WDR49: variants seen among roughly 807,000 people sequenced by gnomAD.
WDR49 encodes the protein cilia- and flagella-associated protein 337.
WDR49 carries 107 observed loss-of-function variants against 119.5 expected under a neutral mutation model. The observed-to-expected ratio is 0.90, with a 90% confidence interval of 0.77 to 1.05. WDR49 has a LOEUF of 1.05. Ranked by LOEUF, WDR49 falls within the 50% of genes least tolerant of loss-of-function variation. The probability of loss-of-function intolerance (pLI) is 0.00; values close to 1 mark genes in which losing one functional copy is unlikely to be tolerated. For missense variants in WDR49, 1,240 were observed against 1,220.5 expected (o/e 1.02, Z -0.24); for synonymous variants, 425 against 418.8 (o/e 1.01, Z -0.18).
At chr3:167,612,530 A>C (rs1385326130) in intron 5 of WDR49, among the ~76,000 whole-genome samples, 1 of 152,110 alleles carries the variant, frequency 6.6e-6, no homozygotes, top group African/African-American at 2.4e-5. Flanking sequence ...TAATGAAACA[A>C]AAAGTTTATT....
chr3:167,540,524 C>G (rs1560276331), intron 10 of WDR49, among the ~76,000 whole-genome samples: 1 of 152,098 alleles, frequency 6.6e-6, no homozygotes, highest in African/African-American at 2.4e-5. Context: ...GACCACCCCA[C>G]CCCATGGGAC....
chr3:167,512,710 C>T (rs188362513), intron 16 of WDR49, among the ~76,000 whole-genome samples: 9 of 152,116 alleles, frequency 5.9e-5, no homozygotes, highest in Admixed American at 6.5e-5. Context: ...CTAAGAACCA[C>T]GATAAAACAT....
At chr3:167,631,931 C>T (rs1011166246) in intron 2 of WDR49, among the ~76,000 whole-genome samples, 1 of 151,960 alleles carries the variant, frequency 6.6e-6, no homozygotes, top group African/African-American at 2.4e-5. Context: ...GATATCGAGC[C>T]CTTTGAACCA....
chr3:167,613,099 C>T (rs937788867), intron 5 of WDR49, among the ~76,000 whole-genome samples: 1 of 152,074 alleles, frequency 6.6e-6, no homozygotes, highest in Non-Finnish European at 1.5e-5. Context: ...GATGGATACC[C>T]CAGTCCCCAG....
intron 8 of WDR49, among the ~76,000 whole-genome samples, chr3:167,568,143 T>TAA (rs1435899345): frequency 6.6e-6 from 1 of 152,230 alleles, no homozygotes; most frequent in African/African-American, 2.4e-5. Context: ...TTCATCTGCT[T>TAA]AAAAAATTTG....
chr3:167,585,136 T>C (rs190190774), intron 7 of WDR49, among the ~76,000 whole-genome samples: 3 of 152,234 alleles, frequency 2.0e-5, no homozygotes, highest in African/African-American at 7.2e-5. Flanking sequence ...GAACTATAAA[T>C]GGCCAATAAA....
chr3:167,514,628 GACACACAC>G (rs59265631), intron 16 of WDR49, among the ~76,000 whole-genome samples: 3,309 of 141,006 alleles, frequency 0.023, 52 homozygotes, highest in Non-Finnish European at 0.03. Flanking sequence ...AGGAGATGCA[GACACACAC>G]ACACACACAC....
intron 10 of WDR49, among the ~76,000 whole-genome samples, chr3:167,550,994 C>G (rs1405266887): frequency 2.0e-5 from 3 of 151,804 alleles, no homozygotes; most frequent in Admixed American, 6.6e-5. Flanking sequence ...TGAATTGACT[C>G]TATGCCAATT....
At chr3:167,599,222 C>G (rs1156255527) in intron 7 of WDR49, among the ~76,000 whole-genome samples, 1 of 152,114 alleles carries the variant, frequency 6.6e-6, no homozygotes, top group Admixed American at 6.5e-5. Context: ...GTCCAGGAAC[C>G]AGGGCTATAG....
At chr3:167,621,073 A>G (rs565040911) in intron 4 of WDR49, among the ~76,000 whole-genome samples, 17 of 152,238 alleles carry the variant, frequency 1.1e-4, no homozygotes, top group African/African-American at 3.9e-4. Context: ...GTACTGAGAA[A>G]CCCAATACTC....
intron 14 of WDR49, among the ~76,000 whole-genome samples, chr3:167,528,711 C>T (rs1050236107): frequency 2.0e-5 from 3 of 151,804 alleles, no homozygotes; most frequent in African/African-American, 7.3e-5. Context: ...GAGGGAGATC[C>T]TGTCTCAAAA....
intron 18 of WDR49, among the ~76,000 whole-genome samples, chr3:167,496,299 G>A (rs1281229303): frequency 6.6e-6 from 1 of 152,018 alleles, no homozygotes; most frequent in Non-Finnish European, 1.5e-5. Flanking sequence ...TTTACTAGAT[G>A]GTCTGTGGTC....
chr3:167,530,210 T>G (rs1752796835), intron 13 of WDR49, among the ~76,000 whole-genome samples: 2 of 152,052 alleles, frequency 1.3e-5, no homozygotes, highest in South Asian at 4.1e-4. Flanking sequence ...TATATGAAAA[T>G]TATACAGATT....
At chr3:167,558,612 T>C (rs1466403413) in intron 9 of WDR49, among the ~76,000 whole-genome samples, 1 of 152,204 alleles carries the variant, frequency 6.6e-6, no homozygotes, top group Non-Finnish European at 1.5e-5. Flanking sequence ...ATACTCTTCA[T>C]CCATGTCGCT....
chr3:167,621,812 G>A (rs1716886455), intron 3 of WDR49, among the ~76,000 whole-genome samples, 169 bp from the exon 4 acceptor site: 1 of 152,090 alleles, frequency 6.6e-6, no homozygotes, highest in Admixed American at 6.6e-5. Context: ...TATCCTAACT[G>A]TGGAATCTAG....
At chr3:167,562,658 A>G (rs1217800295) in intron 8 of WDR49, among the ~76,000 whole-genome samples, 1 of 152,146 alleles carries the variant, frequency 6.6e-6, no homozygotes, top group Non-Finnish European at 1.5e-5. Context: ...TTTCTATTTG[A>G]TTGTGTTTGT....
rs1195815927 is a variant in WDR49, at chr3:167,589,454, T to A, written c.1275+12673A>T. Among the ~76,000 whole-genome samples the A allele has an allele frequency of 2.0e-5, 3 of 152,248 alleles. No homozygotes were observed. In the East Asian group the frequency reaches 5.8e-4, roughly 29 times the overall value. ...TGATTCCACATAAATTTTAGGATTGTTTTTCCTATTTCTATGAAGAATGTC... is the reference window on the plus strand; with the variant it reads ...TGATTCCACATAAATTTTAGGATTGATTTTCCTATTTCTATGAAGAATGTC... On this transcript the variant is annotated intron_variant, in intron 7 of 18. Transcript: ENST00000682715.
In WDR49 at chr3:167,529,215, C is replaced by G. The variant is rs751409593; in HGVS notation, c.2243G>C (p.Gly748Ala). The G allele has an allele frequency of 6.2e-7, 1 of 1,600,818 alleles. No homozygotes were observed. Among genetic ancestry groups the G allele is most frequent in the Non-Finnish European group, 8.5e-7 (1 of 1,175,952 alleles). ...CCAAAATCTGACATAACCAGATCCT[C>G]CACATGATACCAGGTTAGCTCCTCC... is the stretch of plus-strand genomic sequence containing the variant. ...VTGGANLVSC[G>A]GSGYVRFWDI... is the part of the protein sequence containing the mutation. Residue 748 changes from glycine to alanine, a missense_variant, in exon 14 of 19, where the codon GGA (glycine) becomes GCA (alanine). Transcript: ENST00000682715.
At chr3:167,501,270 G>A (rs952006066) in intron 17 of WDR49, among the ~76,000 whole-genome samples, 11 of 152,314 alleles carry the variant, frequency 7.2e-5, no homozygotes, top group African/African-American at 2.4e-4. Flanking sequence ...TAAGACAGAT[G>A]AGGAAACTGA....
Sources: allele counts gnomAD v4.1 joint callset (sites outside exome capture counted in the v4.1 genomes callset), GRCh38; gene constraint gnomAD v4.1.1; transcripts MANE v1.5; gene names NCBI Gene and HGNC (gene_info 2026-07-23, HGNC 2026-07-21).